FGF2: variants seen among roughly 807,000 people sequenced by gnomAD.
FGF2 encodes the protein basic fibroblast growth factor bFGF.
A neutral mutation model predicts 15.9 loss-of-function variants in FGF2; 13 were observed. The observed-to-expected ratio is 0.82, with a 90% CI of 0.53 to 1.30. The LOEUF (loss-of-function observed/expected upper bound fraction) is 1.30, where lower values mean the gene tolerates loss of function less well. Among genes scored for constraint, FGF2 ranks in the 50% most tolerant of loss-of-function variants. The pLI, the probability that FGF2 is intolerant of heterozygous loss-of-function variation, is 0.00. For missense variants in FGF2, 163 were observed against 196.9 expected (o/e 0.83, Z 1.03); for synonymous variants, 90 against 78.4 (o/e 1.15, Z -0.78).
At chr4:122,880,201 C>T (rs140271171) in intron 2 of FGF2, among the ~76,000 whole-genome samples, 4,085 of 151,458 alleles carry the variant, frequency 0.027, 119 homozygotes, top group South Asian at 0.14. Flanking sequence ...AATGAAGGGG[C>T]TACAGGCCCT....
rs1725666772 is a variant in FGF2, at chr4:122,827,438, G to T, written c.178+86G>T. 3 of 1,465,324 alleles carry T rather than the reference G, an allele frequency of 2.0e-6. No individual in the cohort carries two copies. Among genetic ancestry groups the T allele is most frequent in the Admixed American group, 3.5e-5 (2 of 57,832 alleles). 90.8% of individuals were successfully genotyped at this position (1,465,324 alleles called of 1,614,324 possible). On this transcript the variant is annotated intron_variant, in intron 1 of 2. Coordinates refer to ENST00000644866, the MANE Select transcript of FGF2 (RefSeq NM_001361665.2). This position sits in a 1 kb window ranked among gnomAD's most constrained non-coding sequence, Gnocchi z 4.2. ...CCCCTCCAGCCTGCACCCTCCTCCC[G>T]GATCTTCACTGCGACCCTAGCGCTC... is the stretch of plus-strand genomic sequence containing the variant.
intron 1 of FGF2, among the ~76,000 whole-genome samples, chr4:122,861,875 C>T (rs747308142): frequency 2.6e-5 from 4 of 152,090 alleles, no homozygotes; most frequent in African/African-American, 4.8e-5. Flanking sequence ...TTTTTGTTCC[C>T]GTTCTTTCTT....
At chr4:122,892,174 G>T (rs1727205054) in intron 2 of FGF2, 37 bp from the exon 3 acceptor site, 3 of 1,468,696 alleles carry the variant, frequency 2.0e-6, no homozygotes, top group Admixed American at 3.4e-5. Context: ...TAATAATAAT[G>T]ATAATAATAA....
intron 1 of FGF2, among the ~76,000 whole-genome samples, chr4:122,850,466 A>G (rs1381389502): frequency 1.3e-5 from 2 of 152,102 alleles, no homozygotes. Flanking sequence ...AATAACATTG[A>G]GCGATGGTGG....
chr4:122,866,944 C>T (rs995972566), intron 1 of FGF2, among the ~76,000 whole-genome samples: 1 of 152,196 alleles, frequency 6.6e-6, no homozygotes, highest in Admixed American at 6.5e-5. Context: ...CCATCAGCTG[C>T]TGAATGAATG....
At chr4:122,847,827 A>C (rs1726148035) in intron 1 of FGF2, among the ~76,000 whole-genome samples, 1 of 152,210 alleles carries the variant, frequency 6.6e-6, no homozygotes, top group Non-Finnish European at 1.5e-5. Flanking sequence ...GCTGGAGGAA[A>C]GCAGCCTTTT....
At chr4:122,845,426 C>T (rs943078198) in intron 1 of FGF2, among the ~76,000 whole-genome samples, 8 of 152,194 alleles carry the variant, frequency 5.3e-5, no homozygotes, top group Admixed American at 1.3e-4. Flanking sequence ...TGAAGACATG[C>T]GTTGACTTCT....
chr4:122,871,161 A>C (rs147847317), intron 1 of FGF2, among the ~76,000 whole-genome samples: 35 of 151,692 alleles, frequency 2.3e-4, no homozygotes, highest in African/African-American at 8.0e-4. Context: ...CCTGAGTTCT[A>C]ATTTGATTGC....
Position 122,826,909 on chromosome 4 carries a change from G to A in FGF2, c.-266G>A, listed in dbSNP as rs778297907. ...GCTTGGGAGGCGGCTCTCCCCAGGC[G>A]GCGTCCGCGGAGACACCCATCCGTG... On this transcript the variant is annotated 5_prime_UTR_variant, in exon 1 of 3. Transcript: ENST00000644866. 2 of 1,502,178 alleles carry A rather than the reference G, an allele frequency of 1.3e-6. No individual in the cohort carries two copies. The highest frequency in any genetic ancestry group is 1.4e-5 in the African/African-American group (1 of 69,738). 93.1% of individuals were successfully genotyped at this position (1,502,178 alleles called of 1,614,324 possible). A position where few individuals can be genotyped will look rare whatever the true frequency, so the allele number is the denominator to read the frequency against.
At chr4:122,870,647 T>C (rs1726711896) in intron 1 of FGF2, among the ~76,000 whole-genome samples, 1 of 152,206 alleles carries the variant, frequency 6.6e-6, no homozygotes, top group East Asian at 1.9e-4. Flanking sequence ...TGATAGTTTC[T>C]ATTTCTGTGG....
chr4:122,838,486 A>G (rs911650293), intron 1 of FGF2, among the ~76,000 whole-genome samples: 5 of 152,242 alleles, frequency 3.3e-5, no homozygotes, highest in African/African-American at 4.8e-5. Context: ...GTAAGAAAAT[A>G]GTTTTTTTCC....
chr4:122,826,979 G>T lies in FGF2; in HGVS notation c.-196G>T. ...CCGGCTCGCCGCGCACCAGGGGCCG[G>T]CGGACAGAAGAGCGGCCGAGCGGCT... On this transcript the variant is annotated 5_prime_UTR_variant, in exon 1 of 3. Transcript: ENST00000644866. The T allele has an allele frequency of 7.7e-7, 1 of 1,299,400 alleles. No individual in the cohort carries two copies. The allele number at this position is 1,299,400 out of a possible 1,614,324, so 80.5% of individuals were successfully genotyped here.
chr4:122,860,815 C>T (rs530662329), intron 1 of FGF2, among the ~76,000 whole-genome samples: 5 of 152,240 alleles, frequency 3.3e-5, no homozygotes, highest in Middle Eastern at 3.4e-3. Flanking sequence ...CTGGTTACAA[C>T]GCTGGTTCTA....
intron 1 of FGF2, among the ~76,000 whole-genome samples, chr4:122,860,125 C>T (rs1414984112): frequency 1.3e-5 from 2 of 152,118 alleles, no homozygotes; most frequent in African/African-American, 4.8e-5. Flanking sequence ...ACATGCATAG[C>T]TCCCCTTTTA....
At chr4:122,832,846 C>T (rs1329308900) in intron 1 of FGF2, among the ~76,000 whole-genome samples, 2 of 152,152 alleles carry the variant, frequency 1.3e-5, no homozygotes, top group African/African-American at 4.8e-5. Flanking sequence ...TCTCTTTTCT[C>T]CCTTTAATAA....
At chr4:122,885,068 T>C (rs141473983) in intron 2 of FGF2, among the ~76,000 whole-genome samples, 32 of 152,348 alleles carry the variant, frequency 2.1e-4, no homozygotes, top group African/African-American at 7.5e-4. Flanking sequence ...CAAGTTTGGA[T>C]AGTCAACTCT....
At chr4:122,862,304 A>G (rs1726488232) in intron 1 of FGF2, among the ~76,000 whole-genome samples, 1 of 152,204 alleles carries the variant, frequency 6.6e-6, no homozygotes, top group Non-Finnish European at 1.5e-5. Flanking sequence ...GGGAAGGTGT[A>G]CTGGATGATC....
chr4:122,827,312 C>T lies in FGF2; in HGVS notation c.138C>T (p.Asp46=). 3 of 1,613,038 alleles carry T rather than the reference C, an allele frequency of 1.9e-6. No individual in the cohort carries two copies. The highest frequency in any genetic ancestry group is 1.7e-6 in the Non-Finnish European group (2 of 1,179,912). Residue 46 remains aspartate, a synonymous_variant, in exon 1 of 3, where the codon GAC becomes GAT. Transcript: ENST00000644866. The surrounding 1 kb of genome is among the most constrained non-coding windows in gnomAD (Gnocchi z 4.2). ...NGGFFLRIHP[D]GRVDGVREKS... is the part of the protein sequence containing the mutation. ...GCTTCTTCCTGCGCATCCACCCCGA[C>T]GGCCGAGTTGACGGGGTCCGGGAGA...
intron 1 of FGF2, among the ~76,000 whole-genome samples, chr4:122,848,182 G>A (rs1726155113): frequency 6.6e-6 from 1 of 152,194 alleles, no homozygotes; most frequent in South Asian, 2.1e-4. Context: ...CTGGCCTCCT[G>A]TTGACACTGA....
Sources: allele counts gnomAD v4.1 joint callset (sites outside exome capture counted in the v4.1 genomes callset), GRCh38; gene constraint gnomAD v4.1.1; non-coding constraint Gnocchi (gnomAD v3.1); transcripts MANE v1.5; gene names NCBI Gene and HGNC (gene_info 2026-07-23, HGNC 2026-07-21).